EVC2: variants seen among roughly 807,000 people sequenced by gnomAD.
The protein encoded by EVC2 is limbin.
A neutral mutation model predicts 149.3 loss-of-function variants in EVC2; 148 were observed. That is an observed-to-expected ratio of 0.99 (90% CI 0.87 to 1.14). The LOEUF (loss-of-function observed/expected upper bound fraction) is 1.14. Ranked by LOEUF, EVC2 falls within the 50% of genes most tolerant of loss-of-function variation. The pLI is 0.00. For missense variants in EVC2, 1,854 were observed against 1,627.3 expected (o/e 1.14, Z -2.40); for synonymous variants, 776 against 649.9 (o/e 1.19, Z -2.95).
intron 16 of EVC2, among the ~76,000 whole-genome samples, chr4:5,603,861 G>A (rs1175152362): frequency 6.6e-6 from 1 of 152,218 alleles, no homozygotes; most frequent in African/African-American, 2.4e-5. Flanking sequence ...GACTATTTGT[G>A]AGAAATTTGT....
downstream of EVC2, among the ~76,000 whole-genome samples, chr4:5,541,655 A>C (rs1448880391): frequency 6.6e-6 from 1 of 152,170 alleles, no homozygotes; most frequent in Non-Finnish European, 1.5e-5. Context: ...TGTGTTTGCC[A>C]ATGTAAACTC....
chr4:5,672,057 C>G (rs570281377), intron 7 of EVC2, among the ~76,000 whole-genome samples: 2 of 152,340 alleles, frequency 1.3e-5, no homozygotes, highest in African/African-American at 4.8e-5. Flanking sequence ...AAGGAGCTCA[C>G]AGTCCTACAG....
At chr4:5,676,517 G>A (rs947476530) in intron 7 of EVC2, among the ~76,000 whole-genome samples, 7 of 152,140 alleles carry the variant, frequency 4.6e-5, no homozygotes, top group South Asian at 2.1e-4. Context: ...GGTCCCCGCC[G>A]CCATCAGCCC....
downstream of EVC2, among the ~76,000 whole-genome samples, chr4:5,561,761 A>T (rs992174663): frequency 3.9e-5 from 6 of 152,314 alleles, no homozygotes; most frequent in East Asian, 9.6e-4. Flanking sequence ...TAAAATGGGA[A>T]TAGGGATACT....
Position 5,640,975 on chromosome 4 carries a change from A to T in EVC2, c.1146-137T>A. On this transcript the variant is annotated intron_variant, in intron 9 of 21. Coordinates refer to ENST00000344408, the MANE Select transcript of EVC2 (RefSeq NM_147127.5). The surrounding 1 kb of genome is among the most constrained non-coding windows in gnomAD (Gnocchi z 4.6). ...CTTCCTTTTCTTCCTTTCCCCGCTCACTTCTGCTTCATCCAGTTATTGAAG... is the reference window on the plus strand; with the variant it reads ...CTTCCTTTTCTTCCTTTCCCCGCTCTCTTCTGCTTCATCCAGTTATTGAAG... The T allele has an allele frequency of 1.0e-6, 1 of 987,266 alleles. No homozygotes were observed. Among genetic ancestry groups the T allele is most frequent in the Non-Finnish European group, 1.5e-6 (1 of 647,302 alleles). 61.2% of individuals were successfully genotyped at this position (987,266 alleles called of 1,614,324 possible).
chr4:5,596,648 C>A (rs1387557755), intron 16 of EVC2, among the ~76,000 whole-genome samples: 1 of 152,034 alleles, frequency 6.6e-6, no homozygotes, highest in East Asian at 1.9e-4. Context: ...CCTAACATCA[C>A]AATTAAAAGA....
Position 5,562,607 on chromosome 4 carries a change from G to C in EVC2, c.*241C>G. ...TGGGGGTCTCCTCCAGGGCCCTGGG[G>C]AGGTGGGGCTGAAAGAAGGAGTGTT... On this transcript the variant is annotated 3_prime_UTR_variant, in exon 22 of 22. Coordinates refer to ENST00000344408, the MANE Select transcript of EVC2 (RefSeq NM_147127.5). This position sits in a 1 kb window ranked among gnomAD's most constrained non-coding sequence, Gnocchi z 4.3. The C allele has an allele frequency of 7.2e-7, 1 of 1,395,014 alleles. No individual in the cohort carries two copies. The highest frequency in any genetic ancestry group is 1.5e-5 in the South Asian group (1 of 66,254). 86.4% of individuals were successfully genotyped at this position (1,395,014 alleles called of 1,614,324 possible). A position where few individuals can be genotyped will look rare whatever the true frequency, so the allele number is the denominator to read the frequency against.
intron 16 of EVC2, among the ~76,000 whole-genome samples, chr4:5,590,406 T>C (rs1712682797): frequency 6.6e-6 from 1 of 152,130 alleles, no homozygotes; most frequent in East Asian, 1.9e-4. Flanking sequence ...ACCTTGGAAG[T>C]TGAGTTCCCA....
At chr4:5,623,618 C>A (rs1299730393) in intron 13 of EVC2, among the ~76,000 whole-genome samples, 3 of 152,154 alleles carry the variant, frequency 2.0e-5, no homozygotes, top group African/African-American at 7.2e-5. Flanking sequence ...GGTAGTACAG[C>A]TGTGAACCAT....
intron 16 of EVC2, among the ~76,000 whole-genome samples, chr4:5,596,254 A>G (rs1309935569): frequency 6.6e-6 from 1 of 152,198 alleles, no homozygotes; most frequent in Non-Finnish European, 1.5e-5. Context: ...ACCCCAAATC[A>G]ACAGAATATA....
At chr4:5,653,835 T>C (rs1718312670) in intron 9 of EVC2, among the ~76,000 whole-genome samples, 1 of 152,230 alleles carries the variant, frequency 6.6e-6, no homozygotes, top group African/African-American at 2.4e-5. Flanking sequence ...GACTCCTTAA[T>C]GCGTGCCTGT....
the EVC2 span, among the ~76,000 whole-genome samples, chr4:5,529,934 G>C: frequency 6.6e-6 from 1 of 150,948 alleles, no homozygotes; most frequent in Non-Finnish European, 1.5e-5. The surrounding 1 kb of genome is among the most constrained non-coding windows in gnomAD (Gnocchi z 4.5). Context: ...TCCTGCCTCA[G>C]CCTCCTGAGT....
At chr4:5,575,440 C>T (rs1342887993) in intron 18 of EVC2, among the ~76,000 whole-genome samples, 1 of 152,212 alleles carries the variant, frequency 6.6e-6, no homozygotes, top group Non-Finnish European at 1.5e-5. Flanking sequence ...GGGGCCCCCT[C>T]ACAATTATTT....
chr4:5,591,689 C>A (rs1213974387), intron 16 of EVC2, among the ~76,000 whole-genome samples: 2 of 151,838 alleles, frequency 1.3e-5, no homozygotes, highest in South Asian at 4.2e-4. Flanking sequence ...CTTTTTTCTT[C>A]TTTGGAAAGC....
intron 7 of EVC2, among the ~76,000 whole-genome samples, chr4:5,678,209 C>G (rs189579328): frequency 1.8e-4 from 28 of 152,294 alleles, no homozygotes; most frequent in Admixed American, 1.6e-3. Flanking sequence ...TGCTGAGCAC[C>G]TCCTTTCCTT....
intron 16 of EVC2, among the ~76,000 whole-genome samples, chr4:5,611,877 C>G (rs982970573): frequency 2.0e-5 from 3 of 152,160 alleles, no homozygotes; most frequent in Non-Finnish European, 4.4e-5. Flanking sequence ...AGCGGCTGAA[C>G]TTTTGTTTCT....
rs746147381 is a variant in EVC2 at position 5,628,572 on chromosome 4, G to C, written c.1873C>G (p.Gln625Glu). 1 of 1,613,998 alleles carries C rather than the reference G, an allele frequency of 6.2e-7. No homozygotes were observed. ...GTTGAGTGGTACCTCTCGTGCTTCT[G>C]AATGAGGTGAGTCAGCTGGGCTGCA... ...TAAAQLTHLI[Q>E]KHERAGYLDE... The change falls in exon 12 of 22, where the codon CAG (glutamine) becomes GAG (glutamate). Residue 625 changes from glutamine (Q) to glutamate (E), a missense_variant. Coordinates refer to ENST00000344408, the MANE Select transcript of EVC2 (RefSeq NM_147127.5).
At chr4:5,688,599 C>T (rs1288652263) in intron 5 of EVC2, among the ~76,000 whole-genome samples, 6 of 152,170 alleles carry the variant, frequency 3.9e-5, no homozygotes, top group South Asian at 2.1e-4. Flanking sequence ...CCTCAGGAAA[C>T]GAACCTCTGA....
intron 9 of EVC2, among the ~76,000 whole-genome samples, chr4:5,658,203 G>A (rs1442973595): frequency 6.6e-6 from 1 of 152,156 alleles, no homozygotes; most frequent in African/African-American, 2.4e-5. Flanking sequence ...TGATGCAGAA[G>A]GAGCCCTCAG....
Sources: allele counts gnomAD v4.1 joint callset (sites outside exome capture counted in the v4.1 genomes callset), GRCh38; gene constraint gnomAD v4.1.1; non-coding constraint Gnocchi (gnomAD v3.1); transcripts MANE v1.5; gene names NCBI Gene and HGNC (gene_info 2026-07-23, HGNC 2026-07-21).